Variants in PRKCB observed in about 807,000 individuals in gnomAD.
The protein encoded by PRKCB is protein kinase C beta type.
Under a neutral mutation model 81.5 loss-of-function variants are expected in PRKCB, and 13 were observed. The ratio of observed to expected loss-of-function variants is 0.16; its 90% confidence interval spans 0.10 to 0.25. PRKCB has a LOEUF of 0.25. Ranked by LOEUF, PRKCB falls within the 10% of genes least tolerant of loss-of-function variation. The pLI, the probability that PRKCB is intolerant of heterozygous loss-of-function variation, is 1.00. For synonymous variants in PRKCB, 335 were observed against 321.4 expected (o/e 1.04, Z -0.45); for missense variants, 509 against 875.7 (o/e 0.58, Z 5.29).
At chr16:24,000,987 C>CG in intron 3 of PRKCB, among the ~76,000 whole-genome samples, 1 of 88,440 alleles carries the variant, frequency 1.1e-5, no homozygotes, top group African/African-American at 4.8e-5. Flanking sequence ...CTAAATAAAG[C>CG]GGTTTTTTTT....
At chr16:24,039,118 C>T (rs62026396) in intron 5 of PRKCB, among the ~76,000 whole-genome samples, 26,596 of 152,164 alleles carry the variant, frequency 0.17, 2,560 homozygotes, top group Middle Eastern at 0.25. Context: ...AGAAGGTGGC[C>T]GTCTGCAAGC....
intron 16 of PRKCB, among the ~76,000 whole-genome samples, chr16:24,195,298 C>T (rs531486421): frequency 6.6e-6 from 1 of 152,200 alleles, no homozygotes; most frequent in African/African-American, 2.4e-5. Flanking sequence ...CTCCTCCCCC[C>T]AATCCCAGGA....
intron 3 of PRKCB, among the ~76,000 whole-genome samples, chr16:24,028,297 C>A (rs1567349739): frequency 6.6e-6 from 1 of 152,222 alleles, no homozygotes; most frequent in Admixed American, 6.5e-5. Flanking sequence ...CCATATCGGT[C>A]AGGCTGGTCT....
chr16:24,210,150 T>C (rs1968117602), intron 16 of PRKCB, among the ~76,000 whole-genome samples: 1 of 151,872 alleles, frequency 6.6e-6, no homozygotes, highest in South Asian at 2.1e-4. Flanking sequence ...AAAACATACG[T>C]CATCATATCA....
Position 24,161,078 on chromosome 16 carries a change from C to A in PRKCB, c.1239+6221C>A, listed in dbSNP as rs140432718. 5.6e-3 allele frequency among the ~76,000 whole-genome samples: 855 copies of A among 151,796 alleles called. 6 individuals are homozygous for A. The highest frequency in any genetic ancestry group is 0.019 in the African/African-American group (797 of 41,398). ...TTTGATGTTTTTCTTTCTAGAGACT[C>A]AGAATTTTAAAGATAAAAGATTCTT... On this transcript the variant is annotated intron_variant, in intron 10 of 16. Coordinates refer to ENST00000643927, the MANE Select transcript of PRKCB (RefSeq NM_002738.7).
chr16:23,981,480 C>G (rs1234541311), intron 2 of PRKCB, among the ~76,000 whole-genome samples: 1 of 151,816 alleles, frequency 6.6e-6, no homozygotes, highest in African/African-American at 2.4e-5. Flanking sequence ...GATTAGGACA[C>G]GGATATCTGG....
At chr16:23,907,110 A>G (rs1278861085) in intron 2 of PRKCB, among the ~76,000 whole-genome samples, 2 of 152,128 alleles carry the variant, frequency 1.3e-5, no homozygotes, top group Admixed American at 6.6e-5. Context: ...AGCCTGTCCC[A>G]TGTAGTGTAG....
At chr16:23,849,784 T>C (rs1962442311) in intron 2 of PRKCB, among the ~76,000 whole-genome samples, 1 of 152,254 alleles carries the variant, frequency 6.6e-6, no homozygotes, top group South Asian at 2.1e-4. Flanking sequence ...TGTGTCATGG[T>C]TAATTCAAAC....
chr16:24,159,189 A>C (rs571272130), intron 10 of PRKCB, among the ~76,000 whole-genome samples: 25 of 152,266 alleles, frequency 1.6e-4, no homozygotes, highest in Non-Finnish European at 2.6e-4. Context: ...TGGGTCTTCA[A>C]CAACGTTGCT....
chr16:23,987,853 C>A (rs1964822770), intron 2 of PRKCB, among the ~76,000 whole-genome samples: 2 of 152,292 alleles, frequency 1.3e-5, no homozygotes, highest in African/African-American at 4.8e-5. Context: ...CATTGTACCT[C>A]CCCCAGAGGG....
chr16:24,093,036 T>G, intron 6 of PRKCB, 89 bp downstream of exon 6: 1 of 1,375,254 alleles, frequency 7.3e-7, no homozygotes, highest in Non-Finnish European at 9.8e-7. Flanking sequence ...CCTTAGCTCC[T>G]GTTTCCTTCC....
At chr16:24,033,431 A>C (rs2141855769) in intron 4 of PRKCB, among the ~76,000 whole-genome samples, 1 of 152,288 alleles carries the variant, frequency 6.6e-6, no homozygotes, top group East Asian at 1.9e-4. Flanking sequence ...TCAGCTAGAG[A>C]GAGACTCAGG....
intron 16 of PRKCB, chr16:24,191,434 G>T: frequency 6.5e-6 from 3 of 464,380 alleles, no homozygotes; most frequent in Non-Finnish European, 7.4e-6. Flanking sequence ...TATAAAGATG[G>T]AAACGACGAT....
chr16:23,954,883 C>T (rs115457505), intron 2 of PRKCB, among the ~76,000 whole-genome samples: 1 of 152,110 alleles, frequency 6.6e-6, no homozygotes, highest in Non-Finnish European at 1.5e-5. Context: ...GAAACCCTGT[C>T]TCTACTAAAA....
At position 24,032,094 on chromosome 16, in the gene PRKCB, T is replaced by C. The variant is rs3729894; in HGVS notation, c.289-42T>C. ...GATGTAGGATGAACCGTTGGCATGC[T>C]CCACTGACGCTGGCTCCTTCTGTTG... On this transcript the variant is annotated intron_variant, in intron 3 of 16. Transcript: ENST00000643927. 8,718 of 1,409,906 alleles carry C rather than the reference T, an allele frequency of 6.2e-3. 201 individuals carry two copies. Among genetic ancestry groups the C allele is most frequent in the African/African-American group, 0.062 (4,359 of 70,770 alleles). 87.3% of individuals were successfully genotyped at this position (1,409,906 alleles called of 1,614,324 possible).
chr16:23,836,943 C>G (rs926992500), intron 1 of PRKCB, among the ~76,000 whole-genome samples: 1 of 152,040 alleles, frequency 6.6e-6, no homozygotes, highest in Non-Finnish European at 1.5e-5. Flanking sequence ...CTTTCTTCCC[C>G]AGTCCCTCCA....
At chr16:24,131,088 C>A (rs1045198851) in intron 9 of PRKCB, among the ~76,000 whole-genome samples, 1 of 152,170 alleles carries the variant, frequency 6.6e-6, no homozygotes, top group Non-Finnish European at 1.5e-5. Flanking sequence ...TGGTGACTTT[C>A]TTGAAGCTAG....
chr16:24,164,089 T>A (rs747150682), intron 10 of PRKCB, among the ~76,000 whole-genome samples: 2 of 152,200 alleles, frequency 1.3e-5, no homozygotes, highest in Non-Finnish European at 2.9e-5. Flanking sequence ...GCATGGTACA[T>A]AGAGCTGCCC....
At chr16:24,201,372 A>G (rs145308277) in intron 16 of PRKCB, among the ~76,000 whole-genome samples, 2 of 152,318 alleles carry the variant, frequency 1.3e-5, no homozygotes, top group East Asian at 3.9e-4. Context: ...TATATCCCTT[A>G]GGATTACTTT....
Sources: gnomAD v4.1 joint callset for allele counts (sites outside exome capture counted in the v4.1 genomes callset) on GRCh38, gnomAD v4.1.1 for gene constraint, MANE v1.5 for transcripts, NCBI Gene and HGNC (gene_info 2026-07-23, HGNC 2026-07-21) for gene names.